EPHB2: variants seen among roughly 807,000 people sequenced by gnomAD.
EPHB2 encodes the protein EPH receptor B2, also known as ephrin type-B receptor 2.
In EPHB2, 18 loss-of-function variants were observed where a neutral mutation model predicts 96.4. The ratio of observed to expected loss-of-function variants is 0.19; its 90% confidence interval spans 0.13 to 0.28. The LOEUF (loss-of-function observed/expected upper bound fraction) is 0.28, where lower values mean the gene tolerates loss of function less well. EPHB2 is among the 10% of genes least tolerant of loss of function. The pLI, the probability that EPHB2 is intolerant of heterozygous loss-of-function variation, is 1.00. For missense variants in EPHB2, 989 were observed against 1,355.4 expected (o/e 0.73, Z 4.25); for synonymous variants, 506 against 534.1 (o/e 0.95, Z 0.72).
intron 15 of EPHB2, 167 bp downstream of exon 15, chr1:22,912,766 A>C (rs1640150936): frequency 1.1e-6 from 1 of 942,706 alleles, no homozygotes; most frequent in Non-Finnish European, 1.6e-6. Flanking sequence ...ACTGATACCC[A>C]GGTCTGCCTG....
rs1239695197 is a variant in EPHB2 at position 22,917,383 on chromosome 1, C to T, written c.*3813C>T. 2 of 152,236 alleles carry T rather than the reference C, an allele frequency of 1.3e-5. No individual in the cohort carries two copies. Among genetic ancestry groups the T allele is most frequent in the Non-Finnish European group, 2.9e-5 (2 of 68,068 alleles). 9.4% of individuals were successfully genotyped at this position (152,236 alleles called of 1,614,324 possible). ...CCACTCCTGGCTCACTCCAGGGCCC[C>T]TGTTGTTTGAAGATGGTACCAAAGG... On this transcript the variant is annotated 3_prime_UTR_variant, in exon 16 of 16. Transcript: ENST00000374630.
intron 6 of EPHB2, among the ~76,000 whole-genome samples, chr1:22,890,742 C>T (rs540281731): frequency 6.6e-6 from 1 of 152,266 alleles, no homozygotes; most frequent in East Asian, 1.9e-4. Flanking sequence ...TACCCCCATG[C>T]TTTTCTCATG....
At chr1:22,882,523 C>T in intron 6 of EPHB2, 40 bp downstream of exon 6, 1 of 1,611,336 alleles carries the variant, frequency 6.2e-7, no homozygotes, top group Non-Finnish European at 8.5e-7. Flanking sequence ...ACCCACCTCC[C>T]TGAGGGCCCC....
At chr1:22,818,692 G>A (rs1368050891) in intron 3 of EPHB2, among the ~76,000 whole-genome samples, 1 of 151,926 alleles carries the variant, frequency 6.6e-6, no homozygotes, top group Admixed American at 6.6e-5. Flanking sequence ...TGTTCTCTAG[G>A]CCTAGAATTC....
intron 3 of EPHB2, among the ~76,000 whole-genome samples, chr1:22,847,322 A>G (rs995913481): frequency 5.3e-5 from 8 of 152,246 alleles, no homozygotes; most frequent in Non-Finnish European, 1.2e-4. Flanking sequence ...ACCCTGTTGC[A>G]GAGCCTGTGC....
At chr1:22,742,385 C>T (rs547669016) in intron 1 of EPHB2, among the ~76,000 whole-genome samples, 8 of 152,298 alleles carry the variant, frequency 5.3e-5, no homozygotes, top group Middle Eastern at 3.4e-3. Context: ...AGCTGAGAGC[C>T]GGAGCTCTGT....
rs1356970404 is a variant in EPHB2, at chr1:22,817,886, G to A, written c.811+32810G>A. ...CTTCCTAAAGGGCGGGACGGGAAGAGGACTCCATCCCTGAGCTTCCTGGGG... is the reference window on the plus strand; with the variant it reads ...CTTCCTAAAGGGCGGGACGGGAAGAAGACTCCATCCCTGAGCTTCCTGGGG... On this transcript the variant is annotated intron_variant, in intron 3 of 15. Coordinates refer to ENST00000374630, the MANE Select transcript of EPHB2 (RefSeq NM_017449.5). Among the ~76,000 whole-genome samples, 3 of 152,212 alleles carry A rather than the reference G, an allele frequency of 2.0e-5. No individual in the cohort carries two copies. In the South Asian group the frequency reaches 6.2e-4, roughly 32 times the overall value.
At position 22,754,792 on chromosome 1, in the gene EPHB2, C is replaced by T. The variant is rs376870823; in HGVS notation, c.62-26629C>T. On this transcript the variant is annotated intron_variant, in intron 1 of 15. Transcript: ENST00000374630. ...TGGCCCCAGAGCAGAAAAGAGAGGTCGACAGGGGAGGTGAGAGGCAGGGGA... is the reference window on the plus strand; with the variant it reads ...TGGCCCCAGAGCAGAAAAGAGAGGTTGACAGGGGAGGTGAGAGGCAGGGGA... Among the ~76,000 whole-genome samples, 32 of 1,904 alleles carry T rather than the reference C, an allele frequency of 0.017. No individual in the cohort carries two copies. The East Asian group carries it at 0.28, about 16-fold the overall frequency. The allele number at this position is 1,904 out of a possible 152,430, so 1.2% of individuals were successfully genotyped here.
chr1:22,887,517 C>A (rs969787872), intron 6 of EPHB2, among the ~76,000 whole-genome samples: 2 of 152,212 alleles, frequency 1.3e-5, no homozygotes, highest in Non-Finnish European at 2.9e-5. Flanking sequence ...CTCCGTTTGG[C>A]CTTCCCCAAG....
intron 5 of EPHB2, among the ~76,000 whole-genome samples, chr1:22,872,125 G>T (rs148684318): frequency 1.3e-5 from 2 of 152,252 alleles, no homozygotes; most frequent in Admixed American, 6.5e-5. Context: ...TGCTTAGAGG[G>T]GTTGTTAGCA....
At chr1:22,826,669 C>T (rs1050781454) in intron 3 of EPHB2, among the ~76,000 whole-genome samples, 1 of 152,240 alleles carries the variant, frequency 6.6e-6, no homozygotes, top group African/African-American at 2.4e-5. Flanking sequence ...ACAGTGAGCT[C>T]TTCCAGCCGT....
intron 3 of EPHB2, among the ~76,000 whole-genome samples, chr1:22,792,421 G>A (rs1035831286): frequency 6.6e-6 from 1 of 152,188 alleles, no homozygotes; most frequent in African/African-American, 2.4e-5. Flanking sequence ...CCCAGGCTCA[G>A]GCCAGGGCTG....
At chr1:22,827,065 C>T (rs1645234669) in intron 3 of EPHB2, among the ~76,000 whole-genome samples, 1 of 152,228 alleles carries the variant, frequency 6.6e-6, no homozygotes, top group Non-Finnish European at 1.5e-5. Context: ...AGAGCTCCTG[C>T]CCCGCTTCCT....
intron 6 of EPHB2, among the ~76,000 whole-genome samples, chr1:22,889,867 G>A (rs561251379): frequency 1.3e-5 from 2 of 152,284 alleles, no homozygotes; most frequent in Admixed American, 1.3e-4. Context: ...GTACAAATAT[G>A]TCCCAAATAT....
chr1:22,724,981 A>G (rs748093136), intron 1 of EPHB2, among the ~76,000 whole-genome samples: 1 of 151,646 alleles, frequency 6.6e-6, no homozygotes, highest in Non-Finnish European at 1.5e-5. Flanking sequence ...AAGCTTGAGC[A>G]TCTCTTCCTG....
chr1:22,864,784 AG>A lies in EPHB2; in HGVS notation c.968-89del, dbSNP rs1557721317. ...AAAGAATTTAAGGAAGTCCTTTCAG[AG>A]GGGCTGAGCCAGAGCAGCGGGCACA... On this transcript the variant is annotated intron_variant, in intron 4 of 15. Coordinates refer to ENST00000374630, the MANE Select transcript of EPHB2 (RefSeq NM_017449.5). 5.1e-6 allele frequency: 4 copies of A among 778,972 alleles called. No homozygotes were observed. The South Asian group carries it at 7.2e-5, about 14-fold the overall frequency. The allele number at this position is 778,972 out of a possible 1,614,324, so 48.3% of individuals were successfully genotyped here.
At chr1:22,736,968 C>G (rs111727123) in intron 1 of EPHB2, among the ~76,000 whole-genome samples, 6,361 of 152,180 alleles carry the variant, frequency 0.042, 348 homozygotes, top group African/African-American at 0.13. Context: ...AGGGAAGACA[C>G]AGTGGAGAAC....
chr1:22,830,135 G>T (rs1432780889), intron 3 of EPHB2, among the ~76,000 whole-genome samples: 1 of 152,218 alleles, frequency 6.6e-6, no homozygotes, highest in Non-Finnish European at 1.5e-5. Flanking sequence ...TCCCAGGACT[G>T]GTGGGCCAAC....
chr1:22,841,384 T>C (rs1438447644), intron 3 of EPHB2, among the ~76,000 whole-genome samples: 2 of 152,138 alleles, frequency 1.3e-5, no homozygotes, highest in African/African-American at 2.4e-5. Context: ...TAAGTCCTTG[T>C]AGGGCAGGAG....
Sources: allele counts gnomAD v4.1 joint callset (sites outside exome capture counted in the v4.1 genomes callset), GRCh38; gene constraint gnomAD v4.1.1; transcripts MANE v1.5; gene names NCBI Gene and HGNC (gene_info 2026-07-23, HGNC 2026-07-21).